The following DSCAML1 variants were observed in gnomAD, a reference collection of about 807,000 sequenced individuals.
DSCAML1 encodes the protein DS cell adhesion molecule like 1.
Under a neutral mutation model 200.5 loss-of-function variants are expected in DSCAML1, and 38 were observed. That is an observed-to-expected ratio of 0.19 (90% CI 0.15 to 0.25). The LOEUF is 0.25. Ranked by LOEUF, DSCAML1 falls within the 10% of genes least tolerant of loss-of-function variation. The pLI is 1.00. For missense variants in DSCAML1, 2,223 were observed against 2,858.8 expected, an observed-to-expected ratio of 0.78 and a Z score of 5.07; for synonymous variants, 1,215 against 1,165.0, an observed-to-expected ratio of 1.04 and a Z score of -0.87.
chr11:117,650,078 C>A (rs1309190369), intron 3 of DSCAML1, among the ~76,000 whole-genome samples: 2 of 152,206 alleles, frequency 1.3e-5, no homozygotes, highest in Admixed American at 1.3e-4. Flanking sequence ...AGGAACCAGG[C>A]AAGGGACTAG....
At chr11:117,673,751 C>T (rs998230194) in intron 3 of DSCAML1, among the ~76,000 whole-genome samples, 24 of 152,318 alleles carry the variant, frequency 1.6e-4, no homozygotes, top group Middle Eastern at 3.4e-3. Context: ...CCTGGGCTCA[C>T]GCTGTTGGTT....
intron 1 of DSCAML1, among the ~76,000 whole-genome samples, chr11:117,783,748 C>T (rs966836055): frequency 1.3e-5 from 2 of 152,186 alleles, no homozygotes; most frequent in Non-Finnish European, 2.9e-5. Context: ...TCCTACTCTA[C>T]TGCAGAAACC....
chr11:117,714,155 T>G (rs761589383), intron 3 of DSCAML1, among the ~76,000 whole-genome samples: 6 of 152,212 alleles, frequency 3.9e-5, no homozygotes, highest in Admixed American at 2.0e-4. Context: ...TTGCTTAGAC[T>G]AGTACCTGGG....
chr11:117,699,742 G>A (rs928152015), intron 3 of DSCAML1, among the ~76,000 whole-genome samples: 1 of 152,216 alleles, frequency 6.6e-6, no homozygotes, highest in Non-Finnish European at 1.5e-5. Context: ...CCCACTTTAT[G>A]TTCCACAGAA....
intron 3 of DSCAML1, among the ~76,000 whole-genome samples, chr11:117,773,127 T>C (rs770347232): frequency 8.5e-5 from 13 of 152,142 alleles, no homozygotes; most frequent in Non-Finnish European, 1.5e-4. Context: ...TTCATGGAGA[T>C]TGTTTTTGGT....
At chr11:117,558,299 G>A (rs999516036) in intron 3 of DSCAML1, among the ~76,000 whole-genome samples, 1 of 152,178 alleles carries the variant, frequency 6.6e-6, no homozygotes, top group African/African-American at 2.4e-5. Context: ...TTAAGGGCCT[G>A]CCAGGGTCCC....
chr11:117,723,616 C>T (rs75061920), intron 3 of DSCAML1, among the ~76,000 whole-genome samples: 1,552 of 152,326 alleles, frequency 0.01, 11 homozygotes, highest in Non-Finnish European at 0.017. Flanking sequence ...TGACCCATTC[C>T]GCGGCTGTTT....
intron 16 of DSCAML1, among the ~76,000 whole-genome samples, chr11:117,466,190 A>G (rs2048576639): frequency 6.6e-6 from 1 of 152,240 alleles, no homozygotes; most frequent in Non-Finnish European, 1.5e-5. Flanking sequence ...AGGTGGAAGC[A>G]ACTCAAGTGT....
At chr11:117,686,445 C>A (rs564967838) in intron 3 of DSCAML1, among the ~76,000 whole-genome samples, 26 of 152,336 alleles carry the variant, frequency 1.7e-4, no homozygotes, top group African/African-American at 5.5e-4. Flanking sequence ...GTGGCAGAGC[C>A]AAGAGCAGGA....
At chr11:117,566,722 T>C (rs1362658728) in intron 3 of DSCAML1, among the ~76,000 whole-genome samples, 3 of 136,352 alleles carry the variant, frequency 2.2e-5, no homozygotes, top group Non-Finnish European at 3.2e-5. Flanking sequence ...ATGCTATCCC[T>C]CCCCACTCCC....
At chr11:117,701,323 G>C (rs543559789) in intron 3 of DSCAML1, among the ~76,000 whole-genome samples, 16 of 152,194 alleles carry the variant, frequency 1.1e-4, no homozygotes, top group South Asian at 6.2e-4. Context: ...AGGCAACTGG[G>C]GGGCAGGGAG....
At chr11:117,441,018 C>T (rs2048035293) in intron 21 of DSCAML1, among the ~76,000 whole-genome samples, 1 of 151,338 alleles carries the variant, frequency 6.6e-6, no homozygotes, top group South Asian at 2.1e-4. Context: ...GGAGGGGGTC[C>T]TGGAGGACAC....
At chr11:117,493,047 T>C (rs1592661829) in intron 11 of DSCAML1, among the ~76,000 whole-genome samples, 1 of 152,088 alleles carries the variant, frequency 6.6e-6, no homozygotes, top group Non-Finnish European at 1.5e-5. Context: ...ACTGCTCCAG[T>C]ACACAGGGAG....
chr11:117,478,767 C>T (rs12277788), intron 14 of DSCAML1, among the ~76,000 whole-genome samples: 35,679 of 152,180 alleles, frequency 0.23, 4,555 homozygotes, highest in South Asian at 0.42. Flanking sequence ...CTCTGTCCTT[C>T]GCTTTCTCAA....
intron 1 of DSCAML1, among the ~76,000 whole-genome samples, chr11:117,795,743 G>A (rs944102214): frequency 6.6e-6 from 1 of 152,150 alleles, no homozygotes; most frequent in African/African-American, 2.4e-5. Flanking sequence ...CCCAACCCAC[G>A]ATGTATCGCA....
chr11:117,521,797 C>T (rs2049892192), intron 5 of DSCAML1, among the ~76,000 whole-genome samples: 1 of 152,148 alleles, frequency 6.6e-6, no homozygotes, highest in African/African-American at 2.4e-5. Flanking sequence ...GGCTGTCTCC[C>T]ATACTTGCGG....
intron 21 of DSCAML1, among the ~76,000 whole-genome samples, chr11:117,443,412 G>A (rs987909782): frequency 2.0e-5 from 3 of 152,256 alleles, no homozygotes; most frequent in South Asian, 2.1e-4. Context: ...CACGCGCTCC[G>A]TAAAGGTCTG....
intron 6 of DSCAML1, among the ~76,000 whole-genome samples, chr11:117,519,761 A>G (rs558590176): frequency 2.6e-5 from 4 of 152,340 alleles, no homozygotes; most frequent in Admixed American, 6.5e-5. Context: ...TTGAGGCCGC[A>G]GTGAGCTATG....
Position 117,472,039 on chromosome 11 carries a change from G to A in DSCAML1, c.2786-3C>T. The stretch of plus-strand genomic sequence containing the variant: ...GGACTGCTTGAAGTCCCAGGAATCT[G>A]GAGAGAAGACACCTATGTCAAAGCA... On this transcript the variant is annotated splice_region_variant and splice_polypyrimidine_tract_variant and intron_variant, in intron 14 of 32. Transcript: ENST00000651296. 11 of 1,613,628 alleles carry A rather than the reference G, an allele frequency of 6.8e-6. No individual in the cohort carries two copies. The highest frequency in any genetic ancestry group is 9.3e-6 in the Non-Finnish European group (11 of 1,179,708).
Sources: allele counts gnomAD v4.1 joint callset (sites outside exome capture counted in the v4.1 genomes callset), GRCh38; gene constraint gnomAD v4.1.1; transcripts MANE v1.5; gene names NCBI Gene and HGNC (gene_info 2026-07-23, HGNC 2026-07-21).